The following CIC variants were observed in gnomAD, a reference collection of about 807,000 sequenced individuals.
CIC encodes protein capicua homolog.
Under a neutral mutation model 115.7 loss-of-function variants are expected in CIC, and 18 were observed. That is an observed-to-expected ratio of 0.16 (90% CI 0.11 to 0.23). The LOEUF (loss-of-function observed/expected upper bound fraction) is 0.23, where lower values mean the gene tolerates loss of function less well. CIC is among the 10% of genes least tolerant of loss of function. The pLI, the probability that CIC is intolerant of heterozygous loss-of-function variation, is 1.00. For synonymous variants in CIC, 1,076 were observed against 923.0 expected (o/e 1.17, Z -3.01); for missense variants, 2,000 against 2,159.3 (o/e 0.93, Z 1.46).
chr19:42,269,759 G>A (rs1959650301), intron 1 of CIC, among the ~76,000 whole-genome samples: 1 of 148,872 alleles, frequency 6.7e-6, no homozygotes, highest in Non-Finnish European at 1.5e-5. Flanking sequence ...GTGACAAGGA[G>A]GGGGTGACAG....
chr19:42,275,839 T>G (rs1047251887), intron 2 of CIC, among the ~76,000 whole-genome samples: 1 of 152,166 alleles, frequency 6.6e-6, no homozygotes, highest in Non-Finnish European at 1.5e-5. Flanking sequence ...TATTTATTAA[T>G]CTACTGTTGA....
rs144699696 is a variant in CIC, at chr19:42,290,274, C to T, written c.4233C>T (p.Ser1411=). ...TGTTTTCACCTGTGATCCGTTCCTC[C>T]TTTACCCACTGCCGCCCCCCACTGG... is the stretch of plus-strand genomic sequence containing the variant. The part of the protein sequence containing the change: ...RKVFSPVIRS[S]FTHCRPPLDP... Residue 1411 remains serine (S), a synonymous_variant, in exon 11 of 21, where the codon TCC becomes TCT. Transcript: ENST00000681038. 8.9e-5 allele frequency: 144 copies of T among 1,614,110 alleles called. No homozygotes were observed. Among genetic ancestry groups the T allele is most frequent in the Middle Eastern group, 6.6e-4 (4 of 6,062 alleles).
Position 42,271,630 on chromosome 19 carries a change from A to G in CIC, c.-10-144A>G, listed in dbSNP as rs145260778. The G allele has an allele frequency of 8.8e-4, 351 of 397,568 alleles. 3 individuals are homozygous for G. Among genetic ancestry groups the G allele is most frequent in the South Asian group, 6.7e-3 (47 of 7,016 alleles). 24.6% of individuals were successfully genotyped at this position (397,568 alleles called of 1,614,324 possible). A position where few individuals can be genotyped will look rare whatever the true frequency, so the allele number is the denominator to read the frequency against. On this transcript the variant is annotated intron_variant, in intron 1 of 20. Transcript: ENST00000681038. ...TGCCTGGTGCTGACTGAGGTATCAC[A>G]TGAGTTGACAGCAGCCAGAGAGGAG...
intron 2 of CIC, among the ~76,000 whole-genome samples, chr19:42,278,095 C>T (rs1044663898): frequency 1.3e-5 from 2 of 152,246 alleles, no homozygotes; most frequent in African/African-American, 4.8e-5. Context: ...CTGCCCCCAG[C>T]CAGGCATTTG....
chr19:42,270,766 C>G lies in CIC; in HGVS notation c.-10-1008C>G, dbSNP rs2036754282. ...GGTGCTGTGGGGGGAGGAGCAGGCT[C>G]CCATCCAGTGGGACAGAGAAACCCT... On this transcript the variant is annotated intron_variant, in intron 1 of 20. Transcript: ENST00000681038. This position sits in a 1 kb window ranked among gnomAD's most constrained non-coding sequence, Gnocchi z 4.1. Among the ~76,000 whole-genome samples the G allele has an allele frequency of 6.6e-6, 1 of 152,086 alleles. No individual in the cohort carries two copies. Among genetic ancestry groups the G allele is most frequent in the Admixed American group, 6.6e-5 (1 of 15,264 alleles).
chr19:42,292,155 C>T lies in CIC; in HGVS notation c.5683C>T (p.Leu1895Phe), dbSNP rs143825601. The T allele has an allele frequency of 6.2e-6, 10 of 1,613,984 alleles. No homozygotes were observed. In the Admixed American group the frequency reaches 6.7e-5, roughly 11 times the overall value. ...GGTGCCGCCCCTGAGCCCAGCCACA[C>T]TCCCTGGACCCACCTCTCAGCCTCA... ...GLVPPLSPAT[L>F]PGPTSQPQKV... The change falls in exon 13 of 21, where the codon CTC (leucine) becomes TTC (phenylalanine). Residue 1895 changes from leucine to phenylalanine, a missense_variant. This residue lies in a region of CIC where 1,466 missense variants were observed against 1,390.4 expected (regional missense o/e 1.05). Transcript: ENST00000681038.
intron 2 of CIC, among the ~76,000 whole-genome samples, chr19:42,274,930 T>C (rs2036914282): frequency 6.6e-6 from 1 of 152,188 alleles, no homozygotes; most frequent in African/African-American, 2.4e-5. Context: ...GCGAGGGCAT[T>C]GCCATGGTAA....
rs753157196 is a variant in CIC, at chr19:42,292,214, G to A, written c.5735+7G>A. The A allele has an allele frequency of 1.4e-5, 23 of 1,613,868 alleles. No homozygotes were observed. The highest frequency in any genetic ancestry group is 1.4e-5 in the Non-Finnish European group (16 of 1,180,040). On this transcript the variant is annotated splice_region_variant and intron_variant, in intron 13 of 20. Transcript: ENST00000681038. ...TGTTGCCCTCCTCCACCAGGTAATT[G>A]CAGCTGAGCCCATACTCAGAGGCCA... is the stretch of plus-strand genomic sequence containing the variant.
Position 42,274,304 on chromosome 19 carries a change from C to G in CIC, c.2521C>G (p.Arg841Gly). The G allele has an allele frequency of 2.5e-6, 1 of 398,546 alleles. No individual in the cohort carries two copies. The highest frequency in any genetic ancestry group is 3.6e-5 in the East Asian group (1 of 28,082). The allele number at this position is 398,546 out of a possible 1,614,324, so 24.7% of individuals were successfully genotyped here. A position where few individuals can be genotyped will look rare whatever the true frequency, so the allele number is the denominator to read the frequency against. Residue 841 changes from arginine to glycine, a missense_variant, in exon 2 of 21, where the codon CGG becomes GGG. Physicochemically the swap from Arg to Gly is moderately radical, Grantham distance 125 (BLOSUM62 -2). Coordinates refer to ENST00000681038, the MANE Select transcript of CIC (RefSeq NM_001386298.1). ...AGEVRAGGPG[R>G]GCRETPVPPG... ...TGAGGTGCGGGCTGGGGGACCTGGG[C>G]GGGGCTGCCGTGAAACCCCAGTGCC...
In CIC at chr19:42,290,587, G is replaced by C; in HGVS notation, c.4546G>C (p.Gly1516Arg). 1 of 1,613,704 alleles carries C rather than the reference G, an allele frequency of 6.2e-7. No individual in the cohort carries two copies. Among genetic ancestry groups the C allele is most frequent in the Middle Eastern group, 1.7e-4 (1 of 5,976 alleles). Residue 1516 changes from glycine to arginine, a missense_variant, in exon 11 of 21, where the codon GGT becomes CGT. Gly to Arg is a moderately radical substitution (Grantham distance 125, BLOSUM62 -2). This residue lies in a region of CIC where 1,466 missense variants were observed against 1,390.4 expected (regional missense o/e 1.05). Coordinates refer to ENST00000681038, the MANE Select transcript of CIC (RefSeq NM_001386298.1). ...TFRRKRPESV[G>R]GLEPPGPSVI... ...CCGGCGCAAGAGACCCGAAAGTGTG[G>C]GTGGCCTGGAGCCACCAGGCCCCTC...
In CIC at chr19:42,287,748, C is replaced by A; in HGVS notation, c.3492+21C>A. The A allele has an allele frequency of 6.2e-7, 1 of 1,614,192 alleles. No individual in the cohort carries two copies. Among genetic ancestry groups the A allele is most frequent in the South Asian group, 1.1e-5 (1 of 91,082 alleles). On this transcript the variant is annotated intron_variant, in intron 6 of 20. Coordinates refer to ENST00000681038, the MANE Select transcript of CIC (RefSeq NM_001386298.1). This position sits in a 1 kb window ranked among gnomAD's most constrained non-coding sequence, Gnocchi z 8.7. Reference sequence around the variant, plus strand: ...TCCAGGTAACGCTGTTGCCTCTTGGCTCCTCCCAGCTTCTTCTGGTGGGGT... The same window carrying A: ...TCCAGGTAACGCTGTTGCCTCTTGGATCCTCCCAGCTTCTTCTGGTGGGGT...
At position 42,293,403 on chromosome 19, in the gene CIC, C is replaced by T. The variant is rs1405554021; in HGVS notation, c.6522+122C>T. 5.9e-6 allele frequency: 8 copies of T among 1,352,704 alleles called. No individual in the cohort carries two copies. The East Asian group carries it at 1.0e-4, about 17-fold the overall frequency. 83.8% of individuals were successfully genotyped at this position (1,352,704 alleles called of 1,614,324 possible). On this transcript the variant is annotated intron_variant, in intron 16 of 20. Transcript: ENST00000681038. The stretch of plus-strand genomic sequence containing the variant: ...TGTGTCTCTCAGGTTAAAGGGTCCC[C>T]TCTGTCCCTTCTGCCTGCCTGTGTT...
rs2038465295 is a variant in CIC, at chr19:42,295,732, T to TC, written c.*542dup. On this transcript the variant is annotated 3_prime_UTR_variant, in exon 21 of 21. Transcript: ENST00000681038. ...CCTTCCCCAGAACAAAACATGTTGA[T>TC]CATGTGCAATATTTCTTACTGTGCC... 4.5e-6 allele frequency: 1 copy of TC among 221,434 alleles called. No homozygotes were observed. The highest frequency in any genetic ancestry group is 9.0e-6 in the Non-Finnish European group (1 of 110,756). 13.7% of individuals were successfully genotyped at this position (221,434 alleles called of 1,614,324 possible). A position where few individuals can be genotyped will look rare whatever the true frequency, so the allele number is the denominator to read the frequency against.
intron 2 of CIC, among the ~76,000 whole-genome samples, chr19:42,274,798 G>C (rs2036907602): frequency 6.6e-6 from 1 of 152,194 alleles, no homozygotes; most frequent in Non-Finnish European, 1.5e-5. Context: ...AGAGAACGTG[G>C]TCTCAAGAGG....
rs1428721478 is a variant in CIC, at chr19:42,291,433, C to T, written c.5392C>T (p.Leu1798=). Residue 1798 remains leucine, a synonymous_variant, in exon 11 of 21, where the codon CTG becomes TTG. Transcript: ENST00000681038. ...TGCACCCACTCCTGGCATCCCCATC[C>T]TGCAGTCTGTACCCTCCGCCCCACC... ...ATAPTPGIPI[L]QSVPSAPPPK... is the part of the protein sequence containing the mutation. 5.0e-6 allele frequency: 8 copies of T among 1,613,100 alleles called. No homozygotes were observed. The highest frequency in any genetic ancestry group is 6.8e-6 in the Non-Finnish European group (8 of 1,179,990).
Position 42,274,232 on chromosome 19 carries a change from G to A in CIC, c.2449G>A (p.Asp817Asn). 2.5e-6 allele frequency: 1 copy of A among 398,774 alleles called. No individual in the cohort carries two copies. The highest frequency in any genetic ancestry group is 3.6e-5 in the East Asian group (1 of 28,080). 24.7% of individuals were successfully genotyped at this position (398,774 alleles called of 1,614,324 possible). A position where few individuals can be genotyped will look rare whatever the true frequency, so the allele number is the denominator to read the frequency against. ...RDSPVIVRNP[D>N]VPLPSKFPGE... is the part of the protein sequence containing the mutation. The stretch of plus-strand genomic sequence containing the variant: ...CTCACCTGTTATTGTCCGCAACCCT[G>A]ATGTGCCACTGCCCTCCAAATTCCC... The change falls in exon 2 of 21, where the codon GAT becomes AAT. Residue 817 changes from aspartate (D) to asparagine (N), a missense_variant. This residue lies in a region of CIC where 222 missense variants were observed against 247.7 expected (regional missense o/e 0.90). Coordinates refer to ENST00000681038, the MANE Select transcript of CIC (RefSeq NM_001386298.1).
In CIC at chr19:42,290,914, C is replaced by T. The variant is rs537583557; in HGVS notation, c.4873C>T (p.Arg1625Trp). 74 of 1,613,572 alleles carry T rather than the reference C, an allele frequency of 4.6e-5. 1 individual carries two copies. In the East Asian group the frequency reaches 8.7e-4, roughly 19 times the overall value. ...CAGGACTGAAATGGGCACTGGGTCT[C>T]GGGTGCCTGGGGGCTCCCCGCTGGG... ...GARTEMGTGS[R>W]VPGGSPLGVS... Residue 1625 changes from arginine (R) to tryptophan (W), a missense_variant, in exon 11 of 21, where the codon CGG becomes TGG. Arg to Trp is a moderately radical substitution (Grantham distance 101). Around this residue, in one of 8 missense-constraint regions of CIC, gnomAD observed 1,466 missense variants for 1,390.4 expected, o/e 1.05. Transcript: ENST00000681038.
chr19:42,293,362 C>G (rs895847902), intron 16 of CIC, 81 bp downstream of exon 16: 3 of 1,445,084 alleles, frequency 2.1e-6, no homozygotes, highest in South Asian at 1.2e-5. Context: ...CTGTCCTACT[C>G]TTCTTTCCAT....
chr19:42,295,367 T>G lies in CIC; in HGVS notation c.*176T>G. 1 of 618,724 alleles carries G rather than the reference T, an allele frequency of 1.6e-6. No homozygotes were observed. Among genetic ancestry groups the G allele is most frequent in the Admixed American group, 3.0e-5 (1 of 33,490 alleles). The allele number at this position is 618,724 out of a possible 1,614,324, so 38.3% of individuals were successfully genotyped here. A position where few individuals can be genotyped will look rare whatever the true frequency, so the allele number is the denominator to read the frequency against. On this transcript the variant is annotated 3_prime_UTR_variant, in exon 21 of 21. Coordinates refer to ENST00000681038, the MANE Select transcript of CIC (RefSeq NM_001386298.1). ...TTCCCTCGAAGCTCCCTCCCGGTGC[T>G]GGGGGGCAGCTGAGGGGCTGCAGGG...
Sources: allele counts gnomAD v4.1 joint callset (sites outside exome capture counted in the v4.1 genomes callset), GRCh38; gene constraint gnomAD v4.1.1; regional missense constraint gnomAD v4.1.1; non-coding constraint Gnocchi (gnomAD v3.1); transcripts MANE v1.5; gene names NCBI Gene and HGNC (gene_info 2026-07-23, HGNC 2026-07-21).